The following MYO18B variants were observed in gnomAD, a reference collection of about 807,000 sequenced individuals.
MYO18B encodes unconventional myosin-XVIIIb.
A neutral mutation model predicts 273.0 loss-of-function variants in MYO18B; 204 were observed. The ratio of observed to expected loss-of-function variants is 0.75; its 90% CI spans 0.67 to 0.84. The LOEUF is 0.84. MYO18B is among the 40% of genes least tolerant of loss of function. The pLI, the probability that MYO18B is intolerant of heterozygous loss-of-function variation, is 0.00. For missense variants in MYO18B, 3,212 were observed against 3,287.6 expected, an observed-to-expected ratio of 0.98 and a Z score of 0.56; for synonymous variants, 1,330 against 1,305.7, an observed-to-expected ratio of 1.02 and a Z score of -0.40.
intron 25 of MYO18B, among the ~76,000 whole-genome samples, chr22:25,880,166 G>A (rs1232947025): frequency 1.3e-5 from 2 of 152,166 alleles, no homozygotes; most frequent in African/African-American, 4.8e-5. Flanking sequence ...ACTGGGGAAA[G>A]GGAGGCACTT....
intron 2 of MYO18B, among the ~76,000 whole-genome samples, chr22:25,761,527 G>A (rs1024366951): frequency 1.3e-5 from 2 of 152,160 alleles, no homozygotes; most frequent in Admixed American, 6.6e-5. Flanking sequence ...ATGCCACAGG[G>A]GTGGGTTTCT....
chr22:25,750,042 G>T (rs144700500), intron 1 of MYO18B, among the ~76,000 whole-genome samples: 1,678 of 152,318 alleles, frequency 0.011, 16 homozygotes, highest in Non-Finnish European at 0.018. Context: ...AGGCCTCAAA[G>T]CTCAGAAGAT....
intron 34 of MYO18B, among the ~76,000 whole-genome samples, chr22:25,930,153 T>C (rs940706059): frequency 2.6e-5 from 4 of 152,126 alleles, no homozygotes; most frequent in Admixed American, 1.3e-4. Context: ...AAGCATTCTG[T>C]GAAATTGACT....
At chr22:25,932,575 A>AT (rs1413391952) in intron 34 of MYO18B, among the ~76,000 whole-genome samples, 1 of 151,664 alleles carries the variant, frequency 6.6e-6, no homozygotes, top group Non-Finnish European at 1.5e-5. Context: ...TGCCCGGCTA[A>AT]TTTTTTGTAT....
chr22:26,008,929 A>G (rs979747181), intron 42 of MYO18B, among the ~76,000 whole-genome samples: 1 of 152,136 alleles, frequency 6.6e-6, no homozygotes, highest in Non-Finnish European at 1.5e-5. Flanking sequence ...ATTTCTTTCT[A>G]GATCCTCACC....
In MYO18B at chr22:25,948,507, T is replaced by TCC. The variant is rs1306256248; in HGVS notation, c.5748+679_5748+680insCC. Among the ~76,000 whole-genome samples, 150 of 39,228 alleles carry TCC rather than the reference T, an allele frequency of 3.8e-3. 2 individuals are homozygous for TCC. The highest frequency in any genetic ancestry group is 8.3e-3 in the African/African-American group (139 of 16,652). The allele number at this position is 39,228 out of a possible 152,430, so 25.7% of individuals were successfully genotyped here. Reference sequence around the variant, plus strand: ...CTTTCTCTTTCTTTCTTTCCTCTCTTTTCTCTTTCCTTCTTTCTTTCTTCC... The same window carrying TCC: ...CTTTCTCTTTCTTTCTTTCCTCTCTTCCTTCTCTTTCCTTCTTTCTTTCTTCC... On this transcript the variant is annotated intron_variant, in intron 36 of 43. Transcript: ENST00000335473.
chr22:25,981,935 G>A (rs781125943), intron 39 of MYO18B, among the ~76,000 whole-genome samples: 1 of 152,160 alleles, frequency 6.6e-6, no homozygotes, highest in African/African-American at 2.4e-5. Flanking sequence ...AAGAAAAGAG[G>A]TGTAATTGGC....
intron 33 of MYO18B, among the ~76,000 whole-genome samples, chr22:25,915,005 C>T (rs571626706): frequency 6.6e-6 from 1 of 151,620 alleles, no homozygotes; most frequent in South Asian, 2.1e-4. Flanking sequence ...CCAGTTTTGA[C>T]TCTTGACCAT....
the MYO18B span, among the ~76,000 whole-genome samples, chr22:26,054,597 A>G: frequency 1.3e-5 from 2 of 152,196 alleles, no homozygotes; most frequent in Admixed American, 6.5e-5. Context: ...AGCAACAAGG[A>G]CACTGTATGT....
chr22:25,810,407 C>CTT (rs557370446), intron 12 of MYO18B, among the ~76,000 whole-genome samples: 1,599 of 111,230 alleles, frequency 0.014, 38 homozygotes, highest in African/African-American at 0.049. Flanking sequence ...CTCCTTCAGG[C>CTT]TTTTTTTTTT....
chr22:25,888,145 G>A (rs187051547), intron 25 of MYO18B, among the ~76,000 whole-genome samples: 9 of 152,176 alleles, frequency 5.9e-5, no homozygotes, highest in African/African-American at 2.2e-4. Flanking sequence ...AGTTTCTATG[G>A]CAGTAATTCC....
At chr22:25,997,304 CCAAAAAAAAAAAA>C (rs1933370841) in intron 40 of MYO18B, among the ~76,000 whole-genome samples, 1 of 22,554 alleles carries the variant, frequency 4.4e-5, no homozygotes, top group African/African-American at 2.8e-4. Flanking sequence ...AACTCTGTCG[CCAAAAAAAAAAAA>C]AAAAAAAAAA....
chr22:25,829,082 T>G (rs2089605860), intron 15 of MYO18B, 114 bp downstream of exon 15: 1 of 1,212,698 alleles, frequency 8.2e-7, no homozygotes, highest in African/African-American at 1.5e-5. Context: ...CCTGTTTGGT[T>G]CACCAGAGAA....
chr22:25,773,428 T>C (rs545922028), intron 7 of MYO18B, among the ~76,000 whole-genome samples: 1 of 152,100 alleles, frequency 6.6e-6, no homozygotes, highest in South Asian at 2.1e-4. Flanking sequence ...ATTCTGGCTT[T>C]CACTCTGAGT....
chr22:25,966,240 T>G (rs1005203611), intron 39 of MYO18B, among the ~76,000 whole-genome samples: 15 of 152,126 alleles, frequency 9.9e-5, no homozygotes, highest in Non-Finnish European at 1.9e-4. Flanking sequence ...TGTTTTTTGT[T>G]TGTTTGTTTT....
intron 12 of MYO18B, among the ~76,000 whole-genome samples, chr22:25,814,294 C>CTTTTTTTTTTTTTTTTTTTTTTTTTTT (rs398036691): frequency 3.4e-5 from 2 of 59,496 alleles, no homozygotes; most frequent in African/African-American, 6.0e-5. Flanking sequence ...AGGCACCGTT[C>CTTTTTTTTTTTTTTTTTTTTTTTTTTT]TTTTTTTTTT....
intron 42 of MYO18B, among the ~76,000 whole-genome samples, chr22:26,008,576 C>T (rs929991346): frequency 1.3e-5 from 2 of 152,176 alleles, no homozygotes; most frequent in East Asian, 1.9e-4. Flanking sequence ...ACACCTAAAG[C>T]GTTATGATTT....
At position 25,950,445 on chromosome 22, in the gene MYO18B, G is replaced by A. The variant is rs1014327966; in HGVS notation, c.5827G>A (p.Glu1943Lys). 1.2e-6 allele frequency: 2 copies of A among 1,600,950 alleles called. No homozygotes were observed. Among genetic ancestry groups the A allele is most frequent in the Non-Finnish European group, 8.5e-7 (1 of 1,173,666 alleles). Reference protein sequence around the residue: ...EAKKEKHKLQEQLQVAQMRIE... With the variant: ...EAKKEKHKLQKQLQVAQMRIE... ...CAAGAAGGAGAAGCACAAGCTACAA[G>A]AACAAGTATGTGCTCAGAGCCATCC... The change falls in exon 37 of 44, where the codon GAA becomes AAA. Residue 1943 changes from glutamate (E) to lysine (K), a missense_variant. By Grantham distance (56) the Glu-to-Lys change is moderately conservative. Transcript: ENST00000335473.
intron 15 of MYO18B, among the ~76,000 whole-genome samples, chr22:25,831,641 C>G (rs928689288): frequency 1.3e-5 from 2 of 152,168 alleles, no homozygotes; most frequent in African/African-American, 4.8e-5. Context: ...CCTCGGCCTC[C>G]CAAAGTGCTT....
Sources: allele counts gnomAD v4.1 joint callset (sites outside exome capture counted in the v4.1 genomes callset), GRCh38; gene constraint gnomAD v4.1.1; transcripts MANE v1.5; gene names NCBI Gene and HGNC (gene_info 2026-07-23, HGNC 2026-07-21).